NAV2: variants seen among roughly 807,000 people sequenced by gnomAD.
The protein encoded by NAV2 is neuron navigator 2, also known as helicase, APC down-regulated 1.
Under a neutral mutation model 223.2 loss-of-function variants are expected in NAV2, and 54 were observed. The ratio of observed to expected loss-of-function variants is 0.24; its 90% CI spans 0.19 to 0.30. NAV2 has a LOEUF of 0.30. Ranked by LOEUF, NAV2 falls within the 10% of genes least tolerant of loss-of-function variation. The pLI, the probability that NAV2 is intolerant of heterozygous loss-of-function variation, is 1.00. For missense variants in NAV2, 2,806 were observed against 3,147.5 expected (o/e 0.89, Z 2.60); for synonymous variants, 1,279 against 1,239.3 (o/e 1.03, Z -0.67).
At chr11:19,807,344 C>T (rs1460763238) in intron 1 of NAV2, among the ~76,000 whole-genome samples, 1 of 152,206 alleles carries the variant, frequency 6.6e-6, no homozygotes. Context: ...CCTGCTCCAC[C>T]CCCAGGGAGC....
chr11:19,642,790 G>A, intron 1 of NAV2, among the ~76,000 whole-genome samples: 1 of 151,952 alleles, frequency 6.6e-6, no homozygotes. Flanking sequence ...AGTCAGGGGT[G>A]TGTGTGTGTG....
chr11:20,103,431 CAT>C, intron 33 of NAV2, 22 bp downstream of exon 33: 1 of 1,608,122 alleles, frequency 6.2e-7, no homozygotes. Flanking sequence ...TTCTGGACCT[CAT>C]AGCCCCCCGG....
At chr11:19,709,275 G>A (rs143712049), upstream of NAV2, among the ~76,000 whole-genome samples, 3 of 152,130 alleles carry the variant, frequency 2.0e-5, no homozygotes, top group African/African-American at 7.2e-5. Context: ...AGGCACGGTG[G>A]CTCACGCCTG....
intron 1 of NAV2, among the ~76,000 whole-genome samples, chr11:19,684,516 C>G (rs184074380): frequency 1.3e-5 from 2 of 152,112 alleles, no homozygotes; most frequent in East Asian, 3.9e-4. Context: ...CTGGAGCACC[C>G]AAGCACTACC....
rs772471541 is a variant in NAV2, at chr11:19,622,613, CT to C, written c.76-209869del. ...TTTTTGTTTGTTTGTTTTCCATTTG[CT>C]TGGTAGATCTTCCTCCATCCCTTTA... On this transcript the variant is annotated intron_variant, in intron 1 of 37. Coordinates refer to the NAV2 transcript ENST00000360655. Among the ~76,000 whole-genome samples, 158 of 152,178 alleles carry C rather than the reference CT, an allele frequency of 1.0e-3. 2 individuals carry two copies. The highest frequency in any genetic ancestry group is 4.6e-3 in the Admixed American group (70 of 15,282).
intron 1 of NAV2, among the ~76,000 whole-genome samples, chr11:19,467,911 C>T (rs1852424960): frequency 6.6e-6 from 1 of 152,188 alleles, no homozygotes; most frequent in African/African-American, 2.4e-5. Flanking sequence ...AAATGTGCTT[C>T]ATAGCCATGG....
intron 1 of NAV2, among the ~76,000 whole-genome samples, chr11:19,692,236 C>T (rs937858423): frequency 2.6e-5 from 4 of 152,228 alleles, no homozygotes; most frequent in African/African-American, 7.2e-5. Context: ...TGAACTAGAA[C>T]GAAGTCCGCA....
Position 20,029,680 on chromosome 11 carries a change from T to A in NAV2, c.2769-6279T>A, listed in dbSNP as rs571082405. 1.1e-4 allele frequency among the ~76,000 whole-genome samples: 16 copies of A among 152,324 alleles called. No individual in the cohort carries two copies. In the South Asian group the frequency reaches 3.1e-3, roughly 30 times the overall value. ...AGGGGCAGTGGCTCAATGGATGAGA[T>A]GAAGAAGTGAATTCAAAGCCCTTGG... On this transcript the variant is annotated intron_variant, in intron 11 of 37. Coordinates refer to ENST00000349880, the MANE Select transcript of NAV2 (RefSeq NM_145117.5).
At chr11:19,934,406 A>T (rs2045659895) in intron 7 of NAV2, 129 bp downstream of exon 7, 2 of 1,074,234 alleles carry the variant, frequency 1.9e-6, no homozygotes, top group Non-Finnish European at 2.5e-6. Context: ...CTAAGAAACC[A>T]CGTGATGAAC....
chr11:19,356,410 C>T (rs1252474418), intron 1 of NAV2, among the ~76,000 whole-genome samples: 1 of 152,146 alleles, frequency 6.6e-6, no homozygotes, highest in South Asian at 2.1e-4. Flanking sequence ...TGTGTGCCAG[C>T]CAGCCGCAGC....
At chr11:19,592,404 A>G (rs2046086103) in intron 1 of NAV2, among the ~76,000 whole-genome samples, 1 of 152,248 alleles carries the variant, frequency 6.6e-6, no homozygotes, top group South Asian at 2.1e-4. Flanking sequence ...GCCTTCCTAG[A>G]TCACCTCAGA....
chr11:19,778,597 C>A (rs2056484724), intron 1 of NAV2, among the ~76,000 whole-genome samples: 1 of 152,156 alleles, frequency 6.6e-6, no homozygotes, highest in Non-Finnish European at 1.5e-5. Context: ...CTAAATCAAC[C>A]AAAGCTGGGT....
chr11:19,457,237 T>C (rs1317839865), intron 1 of NAV2, among the ~76,000 whole-genome samples: 1 of 152,176 alleles, frequency 6.6e-6, no homozygotes, highest in African/African-American at 2.4e-5. Flanking sequence ...TGATAAATAC[T>C]GTGAAGAAAT....
At chr11:19,425,885 C>A (rs1047968531) in intron 1 of NAV2, among the ~76,000 whole-genome samples, 11 of 152,238 alleles carry the variant, frequency 7.2e-5, no homozygotes, top group African/African-American at 2.6e-4. Context: ...TGTCAAGACC[C>A]ATATATCTAC....
At chr11:19,602,008 G>T (rs556953343) in intron 1 of NAV2, among the ~76,000 whole-genome samples, 9 of 152,300 alleles carry the variant, frequency 5.9e-5, no homozygotes, top group African/African-American at 2.2e-4. Context: ...CCATGGTCCT[G>T]TTGTCCCAGT....
intron 1 of NAV2, among the ~76,000 whole-genome samples, chr11:19,574,408 C>T (rs530485898): frequency 6.6e-6 from 1 of 152,298 alleles, no homozygotes; most frequent in South Asian, 2.1e-4. Flanking sequence ...TAATTCCCTT[C>T]CTAGTCCCTT....
intron 10 of NAV2, among the ~76,000 whole-genome samples, chr11:19,959,928 G>A (rs1317136725): frequency 1.3e-5 from 2 of 152,148 alleles, no homozygotes; most frequent in African/African-American, 4.8e-5. Context: ...CCCTTCCGGG[G>A]CTCTTCACTG....
At chr11:19,634,384 G>A (rs1293060429) in intron 1 of NAV2, among the ~76,000 whole-genome samples, 1 of 152,148 alleles carries the variant, frequency 6.6e-6, no homozygotes, top group Non-Finnish European at 1.5e-5. Flanking sequence ...GATAACTACT[G>A]GGTATTGGGC....
At chr11:19,641,079 GT>G (rs1339564555) in intron 1 of NAV2, among the ~76,000 whole-genome samples, 1 of 152,176 alleles carries the variant, frequency 6.6e-6, no homozygotes, top group Non-Finnish European at 1.5e-5. Context: ...TCCAGAGACT[GT>G]TGCTGTCCAT....
Sources: gnomAD v4.1 joint callset for allele counts (sites outside exome capture counted in the v4.1 genomes callset) on GRCh38, gnomAD v4.1.1 for gene constraint, MANE v1.5 for transcripts, NCBI Gene and HGNC (gene_info 2026-07-23, HGNC 2026-07-21) for gene names.